ORC5: variants seen among roughly 807,000 people sequenced by gnomAD.
ORC5 encodes the protein origin recognition complex subunit 5, also known as protein phosphatase 1, regulatory subunit 117.
In ORC5, 39 loss-of-function variants were observed where a neutral mutation model predicts 58.8. The observed-to-expected ratio is 0.66, with a 90% CI of 0.51 to 0.87. The LOEUF is 0.87. Ranked by LOEUF, ORC5 falls within the 40% of genes least tolerant of loss-of-function variation. The pLI is 0.00. For synonymous variants in ORC5, 218 were observed against 177.6 expected, an observed-to-expected ratio of 1.23 and a Z score of -1.81; for missense variants, 493 against 506.3, an observed-to-expected ratio of 0.97 and a Z score of 0.25.
In ORC5 at chr7:104,174,428, G is replaced by A. The variant is rs559117686; in HGVS notation, c.825-5903C>T. Among the ~76,000 whole-genome samples, 36 of 152,264 alleles carry A rather than the reference G, an allele frequency of 2.4e-4. No individual in the cohort carries two copies. The South Asian group carries it at 6.9e-3, about 29-fold the overall frequency. On this transcript the variant is annotated intron_variant, in intron 8 of 13. Transcript: ENST00000297431. ...AAAATGGGATCCTCAAATTCTAAAG[G>A]CATGCCAAAACAATCTACCTTTGGG...
chr7:104,173,845 C>T (rs12705182), intron 8 of ORC5, among the ~76,000 whole-genome samples: 56,284 of 110,080 alleles, frequency 0.51, 14,489 homozygotes, highest in Non-Finnish European at 0.66. Context: ...AAAATTTTTT[C>T]TTTTTTTTTT....
intron 1 of ORC5, among the ~76,000 whole-genome samples, chr7:104,205,950 G>C (rs534899885): frequency 1.3e-5 from 2 of 152,222 alleles, no homozygotes; most frequent in African/African-American, 4.8e-5. Context: ...AGAGACTGCA[G>C]TGAGCCAAGA....
Position 104,200,883 on chromosome 7 carries a change from T to C in ORC5, c.241A>G (p.Asn81Asp), listed in dbSNP as rs1050687270. The change falls in exon 3 of 14, where the codon AAT becomes GAT. Residue 81 changes from asparagine to aspartate, a missense_variant. Asn to Asp is a conservative substitution (Grantham distance 23). Around this residue, in one of 3 missense-constraint regions of ORC5, gnomAD observed 412 missense variants for 403.7 expected, o/e 1.02. Coordinates refer to ENST00000297431, the MANE Select transcript of ORC5 (RefSeq NM_002553.4). Reference sequence around the variant, plus strand: ...CCATCCTCTGAAGAACTAAGATGATTCAATTTGTTTAAAATTTGTTCCAAA... The same window carrying C: ...CCATCCTCTGAAGAACTAAGATGATCCAATTTGTTTAAAATTTGTTCCAAA... ...LLLEQILNKL[N>D]HLSSSEDGCS... is the part of the protein sequence containing the mutation. The C allele has an allele frequency of 6.2e-7, 1 of 1,613,528 alleles. No individual in the cohort carries two copies. Among genetic ancestry groups the C allele is most frequent in the Non-Finnish European group, 8.5e-7 (1 of 1,179,480 alleles).
intron 8 of ORC5, among the ~76,000 whole-genome samples, chr7:104,181,674 C>G (rs34096272): frequency 0.42 from 64,213 of 151,360 alleles, 15,888 homozygotes; most frequent in Non-Finnish European, 0.57. Flanking sequence ...CACCTGTAGT[C>G]CTAGCTACTC....
chr7:104,135,663 GC>G (rs1798576668), intron 13 of ORC5, among the ~76,000 whole-genome samples: 1 of 152,086 alleles, frequency 6.6e-6, no homozygotes, highest in African/African-American at 2.4e-5. Context: ...TCAGGGAGAA[GC>G]TGCCAACCTA....
intron 12 of ORC5, among the ~76,000 whole-genome samples, chr7:104,153,269 T>C (rs751778998): frequency 5.3e-5 from 8 of 152,182 alleles, no homozygotes; most frequent in African/African-American, 1.9e-4. Flanking sequence ...TGCAGAGTGG[T>C]CTGATGGCAG....
Position 104,126,750 on chromosome 7 carries a change from G to C in ORC5, c.*98C>G, listed in dbSNP as rs577993299. The C allele has an allele frequency of 6.2e-6, 5 of 806,936 alleles. No individual in the cohort carries two copies. Among genetic ancestry groups the C allele is most frequent in the Admixed American group, 2.4e-5 (1 of 41,352 alleles). The allele number at this position is 806,936 out of a possible 1,614,324, so 50.0% of individuals were successfully genotyped here. Reference sequence around the variant, plus strand: ...AGCACCTGTTTGGACAAATCCAATAGAGCCAAAGAACTCCTCTCCTTGGCC... The same window carrying C: ...AGCACCTGTTTGGACAAATCCAATACAGCCAAAGAACTCCTCTCCTTGGCC... On this transcript the variant is annotated 3_prime_UTR_variant, in exon 14 of 14. Coordinates refer to ENST00000297431, the MANE Select transcript of ORC5 (RefSeq NM_002553.4).
intron 12 of ORC5, among the ~76,000 whole-genome samples, chr7:104,158,871 C>T (rs1012937200): frequency 6.6e-6 from 1 of 151,978 alleles, no homozygotes; most frequent in African/African-American, 2.4e-5. Flanking sequence ...CACTTTTACA[C>T]TGTTGGTGGG....
chr7:104,192,122 A>T (rs1036909195), intron 5 of ORC5, among the ~76,000 whole-genome samples: 2 of 152,126 alleles, frequency 1.3e-5, no homozygotes, highest in Non-Finnish European at 1.5e-5. Context: ...GAGCTCATTT[A>T]TCCTACTGAG....
At chr7:104,198,392 C>G (rs529827679) in intron 3 of ORC5, among the ~76,000 whole-genome samples, 93 of 152,216 alleles carry the variant, frequency 6.1e-4, no homozygotes, top group African/African-American at 2.2e-3. Flanking sequence ...ACATGAGGAA[C>G]TAATTGGGGA....
Position 104,134,416 on chromosome 7 carries a change from CAAAAAAAAAAAAA to C in ORC5, c.1262+2352_1262+2364del, listed in dbSNP as rs1170848776. On this transcript the variant is annotated intron_variant, in intron 13 of 13. Transcript: ENST00000297431. ...GGCGACAGAGCAAGACACTCCATCTCAAAAAAAAAAAAAAAAAAAAAAAAAAATTAGGTGGAAA... is the reference window on the plus strand; with the variant it reads ...GGCGACAGAGCAAGACACTCCATCTCAAAAAAAAAAAAAATTAGGTGGAAA... Among the ~76,000 whole-genome samples, 22 of 51,812 alleles carry C rather than the reference CAAAAAAAAAAAAA, an allele frequency of 4.2e-4. No individual in the cohort carries two copies. In the South Asian group the frequency reaches 0.01, roughly 25 times the overall value. The allele number at this position is 51,812 out of a possible 152,430, so 34.0% of individuals were successfully genotyped here.
intron 12 of ORC5, among the ~76,000 whole-genome samples, chr7:104,158,209 T>C (rs1192578615): frequency 6.6e-6 from 1 of 152,156 alleles, no homozygotes; most frequent in African/African-American, 2.4e-5. Context: ...AAGCACTATC[T>C]AGCATTCATT....
intron 8 of ORC5, among the ~76,000 whole-genome samples, chr7:104,171,428 T>C (rs1799209112): frequency 6.6e-6 from 1 of 152,228 alleles, no homozygotes; most frequent in African/African-American, 2.4e-5. Context: ...AAGTGCTCCC[T>C]TCTGGAAAAA....
intron 5 of ORC5, among the ~76,000 whole-genome samples, chr7:104,191,119 GA>G (rs749674288): frequency 0.016 from 1,264 of 78,762 alleles, 15 homozygotes; most frequent in African/African-American, 0.038. Context: ...CAAAACTGCT[GA>G]AAAAAAAAAA....
intron 13 of ORC5, among the ~76,000 whole-genome samples, chr7:104,130,066 T>C (rs1798490503): frequency 6.6e-6 from 1 of 152,156 alleles, no homozygotes; most frequent in Admixed American, 6.5e-5. Flanking sequence ...TTTTTAATTT[T>C]TTTTTTTTCT....
chr7:104,145,717 G>A (rs1463482478), intron 12 of ORC5, among the ~76,000 whole-genome samples: 2 of 152,094 alleles, frequency 1.3e-5, no homozygotes, highest in Non-Finnish European at 2.9e-5. Context: ...GACTCTGAAA[G>A]GTAGAAAGAG....
intron 13 of ORC5, among the ~76,000 whole-genome samples, chr7:104,134,496 G>A (rs1798559523): frequency 6.6e-6 from 1 of 151,086 alleles, no homozygotes; most frequent in South Asian, 2.1e-4. Context: ...CAATACATGA[G>A]GTGGAATGGC....
At position 104,155,161 on chromosome 7, in the gene ORC5, A is replaced by G. The variant is rs146992160; in HGVS notation, c.1149+5911T>C. Among the ~76,000 whole-genome samples, 6 of 151,964 alleles carry G rather than the reference A, an allele frequency of 3.9e-5. No individual in the cohort carries two copies. The East Asian group carries it at 5.8e-4, about 15-fold the overall frequency. ...AGAAACGATTGTTGATTCATGACCA[A>G]TAAGTTAAATCGATGTAACAAATAA... is the stretch of plus-strand genomic sequence containing the variant. On this transcript the variant is annotated intron_variant, in intron 12 of 13. Coordinates refer to ENST00000297431, the MANE Select transcript of ORC5 (RefSeq NM_002553.4).
Position 104,196,796 on chromosome 7 carries a change from C to T in ORC5, c.441+929G>A, listed in dbSNP as rs185644145. 8.6e-4 allele frequency among the ~76,000 whole-genome samples: 131 copies of T among 152,044 alleles called. 1 individual carries two copies. The highest frequency in any genetic ancestry group is 3.0e-3 in the African/African-American group (124 of 41,474). Reference sequence around the variant, plus strand: ...TAAAACCAAAATAAATTTATAAATACGAACTATAAAACCAATAAAATTGAA... The same window carrying T: ...TAAAACCAAAATAAATTTATAAATATGAACTATAAAACCAATAAAATTGAA... On this transcript the variant is annotated intron_variant, in intron 4 of 13. Coordinates refer to ENST00000297431, the MANE Select transcript of ORC5 (RefSeq NM_002553.4).
Sources: allele counts gnomAD v4.1 joint callset (sites outside exome capture counted in the v4.1 genomes callset), GRCh38; gene constraint gnomAD v4.1.1; regional missense constraint gnomAD v4.1.1; transcripts MANE v1.5; gene names NCBI Gene and HGNC (gene_info 2026-07-23, HGNC 2026-07-21).